The following ADGRL3 variants were observed in gnomAD, a reference collection of about 807,000 sequenced individuals.
The protein encoded by ADGRL3 is calcium-independent alpha-latrotoxin receptor 3.
ADGRL3 carries 62 observed loss-of-function variants against 153.5 expected under a neutral mutation model. That is an observed-to-expected ratio of 0.40 (90% confidence interval 0.33 to 0.50). The LOEUF (loss-of-function observed/expected upper bound fraction) is 0.50. Ranked by LOEUF, ADGRL3 falls within the 20% of genes least tolerant of loss-of-function variation. ADGRL3 has a pLI of 0.47. For missense variants in ADGRL3, 1,641 were observed against 1,859.4 expected, an observed-to-expected ratio of 0.88 and a Z score of 2.16; for synonymous variants, 710 against 672.5, an observed-to-expected ratio of 1.06 and a Z score of -0.86.
At chr4:61,262,431 G>T (rs2092587790) in intron 1 of ADGRL3, among the ~76,000 whole-genome samples, 1 of 151,926 alleles carries the variant, frequency 6.6e-6, no homozygotes, top group African/African-American at 2.4e-5. Flanking sequence ...AAAAAATTAA[G>T]GTCGCCATTG....
At chr4:61,705,796 G>A (rs946607761) in intron 6 of ADGRL3, among the ~76,000 whole-genome samples, 2 of 152,206 alleles carry the variant, frequency 1.3e-5, no homozygotes, top group East Asian at 1.9e-4. Context: ...GAACCACTGC[G>A]CCCAGTCGAG....
intron 1 of ADGRL3, among the ~76,000 whole-genome samples, chr4:61,347,676 G>GA (rs36046840): frequency 6.6e-5 from 10 of 151,482 alleles, no homozygotes; most frequent in African/African-American, 2.4e-4. Flanking sequence ...TATGCTGTGA[G>GA]AAAAAAAATG....
intron 17 of ADGRL3, among the ~76,000 whole-genome samples, chr4:61,977,413 C>T (rs1301521058): frequency 6.6e-6 from 1 of 152,106 alleles, no homozygotes; most frequent in Non-Finnish European, 1.5e-5. Flanking sequence ...AACCACCCTC[C>T]ACTCTCAAAC....
intron 1 of ADGRL3, among the ~76,000 whole-genome samples, chr4:61,225,909 C>G (rs1318611819): frequency 6.6e-6 from 1 of 152,082 alleles, no homozygotes; most frequent in South Asian, 2.1e-4. Context: ...GTAATATTTC[C>G]CTTGTCTTCT....
At chr4:61,476,872 G>A (rs577201188) in intron 2 of ADGRL3, among the ~76,000 whole-genome samples, 1 of 151,792 alleles carries the variant, frequency 6.6e-6, no homozygotes, top group Admixed American at 6.6e-5. Context: ...ATGGAGCCTG[G>A]CCGGCAATGA....
intron 5 of ADGRL3, among the ~76,000 whole-genome samples, chr4:61,629,085 A>G (rs1002782137): frequency 2.0e-5 from 3 of 152,174 alleles, no homozygotes; most frequent in Non-Finnish European, 4.4e-5. Context: ...TTTGCAGAGA[A>G]GCAGGGTGAG....
At chr4:61,436,034 C>T (rs1267064408) in intron 2 of ADGRL3, among the ~76,000 whole-genome samples, 1 of 151,868 alleles carries the variant, frequency 6.6e-6, no homozygotes, top group Non-Finnish European at 1.5e-5. Flanking sequence ...AATTAAAAAC[C>T]TTTTGAATGC....
chr4:61,651,399 C>T (rs2094243419), intron 5 of ADGRL3, among the ~76,000 whole-genome samples: 1 of 152,066 alleles, frequency 6.6e-6, no homozygotes, highest in African/African-American at 2.4e-5. Context: ...AATTCCTGTG[C>T]CTTTAACTGC....
intron 4 of ADGRL3, among the ~76,000 whole-genome samples, chr4:61,568,254 G>C (rs776792647): frequency 6.6e-6 from 1 of 152,004 alleles, no homozygotes; most frequent in Non-Finnish European, 1.5e-5. Context: ...TCTCCAGCAA[G>C]ACATGCCCAA....
At chr4:61,782,348 G>A (rs1210886670) in intron 8 of ADGRL3, among the ~76,000 whole-genome samples, 2 of 152,042 alleles carry the variant, frequency 1.3e-5, no homozygotes, top group Admixed American at 1.3e-4. Context: ...ACATGATTTT[G>A]TTTATTCATT....
chr4:61,289,741 A>G (rs1401927178), intron 1 of ADGRL3, among the ~76,000 whole-genome samples: 5 of 152,040 alleles, frequency 3.3e-5, no homozygotes, highest in Admixed American at 6.6e-5. Context: ...TAAATACAAA[A>G]GCCAAAGTAG....
chr4:61,396,641 T>A (rs1335321178), intron 2 of ADGRL3, among the ~76,000 whole-genome samples: 1 of 152,076 alleles, frequency 6.6e-6, no homozygotes, highest in East Asian at 1.9e-4. Context: ...ATTTTGACTT[T>A]CCCAATCACT....
chr4:61,757,899 A>G (rs528938745), intron 8 of ADGRL3, among the ~76,000 whole-genome samples: 46 of 152,168 alleles, frequency 3.0e-4, no homozygotes, highest in Non-Finnish European at 5.0e-4. Context: ...ATTCAGGAGC[A>G]GGTTGCTCAG....
At chr4:61,512,946 A>G (rs933480285) in intron 3 of ADGRL3, among the ~76,000 whole-genome samples, 1 of 152,096 alleles carries the variant, frequency 6.6e-6, no homozygotes, top group Non-Finnish European at 1.5e-5. Flanking sequence ...TGTAAGGCTC[A>G]TGGTTGGGTT....
intron 11 of ADGRL3, among the ~76,000 whole-genome samples, chr4:61,901,474 A>G (rs545201315): frequency 6.6e-6 from 1 of 152,348 alleles, no homozygotes; most frequent in African/African-American, 2.4e-5. Flanking sequence ...TGAAATGAAA[A>G]TAAATTGCTT....
intron 5 of ADGRL3, among the ~76,000 whole-genome samples, chr4:61,588,533 A>G (rs2098956155): frequency 6.6e-6 from 1 of 152,034 alleles, no homozygotes; most frequent in African/African-American, 2.4e-5. Context: ...ACTGATGTGT[A>G]CTTGAAGGGT....
chr4:61,788,698 G>T (rs2097305701), intron 8 of ADGRL3, among the ~76,000 whole-genome samples: 1 of 152,122 alleles, frequency 6.6e-6, no homozygotes, highest in Non-Finnish European at 1.5e-5. Flanking sequence ...TCTCTGAATT[G>T]CCAGAAAAAG....
intron 1 of ADGRL3, among the ~76,000 whole-genome samples, chr4:61,216,605 A>G (rs866722126): frequency 1.2e-4 from 18 of 152,118 alleles, no homozygotes; most frequent in African/African-American, 4.3e-4. Context: ...ATTTAGTTCT[A>G]CATTAATGAA....
intron 9 of ADGRL3, among the ~76,000 whole-genome samples, chr4:61,827,316 T>C (rs951624383): frequency 1.3e-5 from 2 of 152,182 alleles, no homozygotes; most frequent in Non-Finnish European, 2.9e-5. Context: ...TGTGAATCTG[T>C]TAATCTATTG....
Sources: gnomAD v4.1 joint callset for allele counts (sites outside exome capture counted in the v4.1 genomes callset) on GRCh38, gnomAD v4.1.1 for gene constraint, MANE v1.5 for transcripts, NCBI Gene and HGNC (gene_info 2026-07-23, HGNC 2026-07-21) for gene names.